MIPOL1: variants seen among roughly 807,000 people sequenced by gnomAD.
MIPOL1 encodes the protein mirror-image polydactyly gene 1 protein.
MIPOL1 carries 57 observed loss-of-function variants against 60.9 expected under a neutral mutation model. The observed-to-expected ratio is 0.94, with a 90% CI of 0.76 to 1.17. MIPOL1 has a LOEUF of 1.17. MIPOL1 is among the 50% of genes most tolerant of loss of function. The pLI, the probability that MIPOL1 is intolerant of heterozygous loss-of-function variation, is 0.00. For missense variants in MIPOL1, 551 were observed against 511.6 expected, an observed-to-expected ratio of 1.08 and a Z score of -0.74; for synonymous variants, 179 against 168.8, an observed-to-expected ratio of 1.06 and a Z score of -0.47.
At chr14:37,299,956 C>T (rs1675872704) in intron 7 of MIPOL1, among the ~76,000 whole-genome samples, 2 of 151,974 alleles carry the variant, frequency 1.3e-5, no homozygotes, top group Admixed American at 6.6e-5. Context: ...AGGTATTTTA[C>T]ACAGAATGTT....
intron 10 of MIPOL1, among the ~76,000 whole-genome samples, chr14:37,419,865 T>C (rs1010916223): frequency 2.0e-5 from 3 of 151,966 alleles, no homozygotes; most frequent in Non-Finnish European, 4.4e-5. Context: ...CTCAGCCTTC[T>C]GAGTAGCTGG....
At chr14:37,480,684 A>G (rs113739881) in intron 11 of MIPOL1, among the ~76,000 whole-genome samples, 2 of 152,124 alleles carry the variant, frequency 1.3e-5, no homozygotes, top group Non-Finnish European at 2.9e-5. Context: ...TCTTTTCCAC[A>G]TAGTACTGGA....
At chr14:37,448,977 C>A (rs561133886) in intron 11 of MIPOL1, among the ~76,000 whole-genome samples, 433 of 152,272 alleles carry the variant, frequency 2.8e-3, no homozygotes, top group Non-Finnish European at 5.4e-3. Flanking sequence ...TTACACAACT[C>A]TTCAAACATT....
intron 1 of MIPOL1, among the ~76,000 whole-genome samples, chr14:37,217,690 C>T (rs1221443733): frequency 6.6e-6 from 1 of 152,162 alleles, no homozygotes. Context: ...AATTCAGCTT[C>T]CCTTCTTGGT....
intron 11 of MIPOL1, among the ~76,000 whole-genome samples, chr14:37,483,499 AG>A (rs1368795205): frequency 6.6e-6 from 1 of 152,162 alleles, no homozygotes; most frequent in Non-Finnish European, 1.5e-5. Flanking sequence ...CATGTATTCT[AG>A]GGCCAACTGT....
chr14:37,433,301 A>G (rs928031860), intron 11 of MIPOL1, among the ~76,000 whole-genome samples: 2 of 151,990 alleles, frequency 1.3e-5, no homozygotes, highest in Admixed American at 6.5e-5. Flanking sequence ...TACATGTACC[A>G]TGGTGGTTTG....
chr14:37,501,933 CCAGGA>C (rs2095221799), intron 12 of MIPOL1: 1 of 152,328 alleles, frequency 6.6e-6, no homozygotes, highest in Non-Finnish European at 1.5e-5. Flanking sequence ...AACCTGCAGA[CCAGGA>C]GATTCTCTCT....
intron 11 of MIPOL1, among the ~76,000 whole-genome samples, chr14:37,431,390 G>C (rs2094061265): frequency 6.6e-6 from 1 of 151,528 alleles, no homozygotes; most frequent in Admixed American, 6.6e-5. Flanking sequence ...AGCTTTTTTT[G>C]CTACTTTGTT....
At chr14:37,346,079 C>A (rs1595275815) in intron 9 of MIPOL1, among the ~76,000 whole-genome samples, 1 of 152,258 alleles carries the variant, frequency 6.6e-6, no homozygotes. Context: ...CCTGTAATCC[C>A]AGCACTTTGG....
chr14:37,452,741 CT>C (rs1330254448), intron 11 of MIPOL1, among the ~76,000 whole-genome samples: 1 of 152,150 alleles, frequency 6.6e-6, no homozygotes, highest in African/African-American at 2.4e-5. Context: ...TGAAAAATAA[CT>C]TAGGGGCATA....
At chr14:37,226,151 TC>T (rs1224087649) in intron 1 of MIPOL1, among the ~76,000 whole-genome samples, 2 of 152,180 alleles carry the variant, frequency 1.3e-5, no homozygotes, top group African/African-American at 2.4e-5. Flanking sequence ...TCCCACATTT[TC>T]CTGTCTTCTT....
chr14:37,537,319 C>G (rs868356463), intron 12 of MIPOL1, among the ~76,000 whole-genome samples: 1 of 152,042 alleles, frequency 6.6e-6, no homozygotes. Flanking sequence ...TAACACTATC[C>G]TTTGTCAAGG....
intron 12 of MIPOL1, chr14:37,505,791 A>G (rs182663339): frequency 6.6e-5 from 10 of 152,354 alleles, no homozygotes; most frequent in Middle Eastern, 3.4e-3. Flanking sequence ...AGGGTATTCA[A>G]TTAAGAAAAG....
At chr14:37,305,834 A>G (rs2086739667) in intron 7 of MIPOL1, among the ~76,000 whole-genome samples, 1 of 151,870 alleles carries the variant, frequency 6.6e-6, no homozygotes, top group African/African-American at 2.4e-5. Context: ...GAATAATAAC[A>G]AAACAAGATT....
intron 9 of MIPOL1, among the ~76,000 whole-genome samples, chr14:37,335,759 C>A (rs185736420): frequency 4.6e-5 from 7 of 151,996 alleles, no homozygotes; most frequent in Admixed American, 4.6e-4. Flanking sequence ...AGTTTTTTTG[C>A]CCAGTTTTAA....
chr14:37,421,104 A>G (rs980070974), intron 10 of MIPOL1, among the ~76,000 whole-genome samples: 7 of 152,164 alleles, frequency 4.6e-5, no homozygotes, highest in Admixed American at 3.9e-4. Context: ...AATTTTCAAT[A>G]GTACCTTAAG....
At chr14:37,490,993 A>G (rs2095039832) in intron 11 of MIPOL1, among the ~76,000 whole-genome samples, 1 of 152,216 alleles carries the variant, frequency 6.6e-6, no homozygotes, top group Admixed American at 6.5e-5. Flanking sequence ...TAAATTTGAC[A>G]GTATAAATTT....
intron 9 of MIPOL1, among the ~76,000 whole-genome samples, chr14:37,335,149 C>T (rs1439382583): frequency 6.6e-6 from 1 of 152,074 alleles, no homozygotes; most frequent in African/African-American, 2.4e-5. Flanking sequence ...TCCAATTTAT[C>T]TACATTCTCG....
chr14:37,475,280 A>C (rs1356634913), intron 11 of MIPOL1, among the ~76,000 whole-genome samples: 1 of 152,056 alleles, frequency 6.6e-6, no homozygotes, highest in East Asian at 1.9e-4. Flanking sequence ...TTATTTTCTT[A>C]TTGTTGATTT....
Sources: allele counts gnomAD v4.1 joint callset (sites outside exome capture counted in the v4.1 genomes callset), GRCh38; gene constraint gnomAD v4.1.1; transcripts MANE v1.5; gene names NCBI Gene and HGNC (gene_info 2026-07-23, HGNC 2026-07-21).